Variants in SERPINE2 observed in about 807,000 individuals in gnomAD.
SERPINE2 encodes the protein serpin family E member 2, also known as glia-derived nexin.
SERPINE2 carries 14 observed loss-of-function variants against 36.3 expected under a neutral mutation model. The observed-to-expected ratio is 0.39, with a 90% confidence interval of 0.25 to 0.60. The LOEUF (loss-of-function observed/expected upper bound fraction) is 0.60. SERPINE2 is among the 20% of genes least tolerant of loss of function. The probability of loss-of-function intolerance (pLI) is 0.57; values close to 1 mark genes in which losing one functional copy is unlikely to be tolerated. For missense variants in SERPINE2, 418 were observed against 499.6 expected (o/e 0.84, Z 1.56); for synonymous variants, 192 against 191.8 (o/e 1.00, Z -0.01).
At chr2:224,000,959 C>G (rs564224921) in intron 2 of SERPINE2, among the ~76,000 whole-genome samples, 4 of 152,216 alleles carry the variant, frequency 2.6e-5, no homozygotes, top group African/African-American at 4.8e-5. Flanking sequence ...GGTTCCAAGT[C>G]TTTGCTTAGC....
intron 2 of SERPINE2, 145 bp downstream of exon 2, chr2:224,001,497 C>T (rs1691157887): frequency 8.5e-6 from 7 of 826,428 alleles, no homozygotes; most frequent in Non-Finnish European, 9.1e-6. Context: ...TTAGAAGAGA[C>T]TGACCCCAAG....
chr2:224,022,823 C>T (rs527715326), intron 1 of SERPINE2, among the ~76,000 whole-genome samples: 1 of 152,214 alleles, frequency 6.6e-6, no homozygotes, highest in Non-Finnish European at 1.5e-5. Context: ...GTGCCAAGGG[C>T]AGGACCAGGT....
intron 1 of SERPINE2, chr2:224,030,849 T>C (rs775374489): frequency 2.0e-6 from 1 of 492,862 alleles, no homozygotes; most frequent in Non-Finnish European, 2.6e-6. Flanking sequence ...CTTGGACTCT[T>C]GTGTAAATCT....
chr2:224,025,429 C>G (rs978804633), intron 1 of SERPINE2, among the ~76,000 whole-genome samples: 4 of 152,208 alleles, frequency 2.6e-5, no homozygotes, highest in Admixed American at 2.6e-4. Flanking sequence ...AATTCCCATG[C>G]ATGCTTGGAT....
rs1690263823 is a variant in SERPINE2 at position 223,982,672 on chromosome 2, T to C, written c.985+9A>G. On this transcript the variant is annotated intron_variant, in intron 6 of 8. Coordinates refer to ENST00000409304, the MANE Select transcript of SERPINE2 (RefSeq NM_001136528.2). ...TCAAGTATACAAATACATTTTAAAT[T>C]GAACATACTTGTTATTTTTGCAAAA... is the stretch of plus-strand genomic sequence containing the variant. 6.6e-7 allele frequency: 1 copy of C among 1,524,366 alleles called. No individual in the cohort carries two copies. Among genetic ancestry groups the C allele is most frequent in the Non-Finnish European group, 9.1e-7 (1 of 1,100,074 alleles). 94.4% of individuals were successfully genotyped at this position (1,524,366 alleles called of 1,614,324 possible). A position where few individuals can be genotyped will look rare whatever the true frequency, so the allele number is the denominator to read the frequency against.
At chr2:224,035,912 C>T (rs1692517591) in intron 1 of SERPINE2, among the ~76,000 whole-genome samples, 2 of 152,120 alleles carry the variant, frequency 1.3e-5, no homozygotes, top group South Asian at 4.1e-4. Context: ...CTGGTGACAG[C>T]CTGCATGTGG....
chr2:224,037,136 A>AT (rs1425793651), intron 1 of SERPINE2, among the ~76,000 whole-genome samples: 1 of 152,212 alleles, frequency 6.6e-6, no homozygotes, highest in Non-Finnish European at 1.5e-5. Flanking sequence ...TTTACCACCT[A>AT]TGAGTATCCA....
chr2:224,022,141 AGAGC>A (rs1298457282), intron 1 of SERPINE2, among the ~76,000 whole-genome samples: 1 of 137,868 alleles, frequency 7.3e-6, no homozygotes. Context: ...CCTGGGCAAC[AGAGC>A]GAGACTCCTT....
In SERPINE2 at chr2:224,032,014, C is replaced by T. The variant is rs894310569; in HGVS notation, c.-23+7085G>A. Among the ~76,000 whole-genome samples, 6 of 152,276 alleles carry T rather than the reference C, an allele frequency of 3.9e-5. No homozygotes were observed. In the East Asian group the frequency reaches 5.8e-4, roughly 15 times the overall value. On this transcript the variant is annotated intron_variant, in intron 1 of 8. Transcript: ENST00000409304. ...TGGGCAGTGTCAGCCAACAGCTCTCCGCCTTGTTTCCGAGTTATTTTGATT... is the reference window on the plus strand; with the variant it reads ...TGGGCAGTGTCAGCCAACAGCTCTCTGCCTTGTTTCCGAGTTATTTTGATT...
intron 4 of SERPINE2, among the ~76,000 whole-genome samples, chr2:223,988,014 C>T (rs1199947577): frequency 6.6e-6 from 1 of 152,142 alleles, no homozygotes; most frequent in East Asian, 1.9e-4. Flanking sequence ...CAGCAAAATG[C>T]TCCATCGTGT....
At chr2:224,015,291 A>C (rs1691763661) in intron 1 of SERPINE2, among the ~76,000 whole-genome samples, 1 of 152,094 alleles carries the variant, frequency 6.6e-6, no homozygotes, top group South Asian at 2.1e-4. Flanking sequence ...GACATCGAGG[A>C]GAGTGTGTAA....
chr2:224,025,686 C>T (rs557917697), intron 1 of SERPINE2, among the ~76,000 whole-genome samples: 1 of 152,338 alleles, frequency 6.6e-6, no homozygotes, highest in South Asian at 2.1e-4. Context: ...TTCTTCTAAG[C>T]ACAGCACCTC....
intron 1 of SERPINE2, chr2:224,031,122 T>C: frequency 2.0e-6 from 2 of 985,436 alleles, no homozygotes; most frequent in Non-Finnish European, 2.4e-6. Context: ...TGATGGGATG[T>C]AAATCTTTGA....
At chr2:224,026,689 G>A (rs1388195815) in intron 1 of SERPINE2, among the ~76,000 whole-genome samples, 10 of 152,158 alleles carry the variant, frequency 6.6e-5, no homozygotes, top group Non-Finnish European at 1.5e-4. Context: ...GTATTTCAGT[G>A]CCTTTTCGTG....
At chr2:224,030,885 G>A in intron 1 of SERPINE2, 2 of 803,572 alleles carry the variant, frequency 2.5e-6, no homozygotes, top group Non-Finnish European at 3.0e-6. Context: ...CCAAAGGTCA[G>A]TACTAATTTT....
intron 1 of SERPINE2, among the ~76,000 whole-genome samples, chr2:224,011,572 C>T (rs982007149): frequency 1.2e-3 from 175 of 152,164 alleles, no homozygotes; most frequent in African/African-American, 4.2e-3. Context: ...TATGGGCCTC[C>T]AATTCAGAGA....
chr2:224,032,853 T>C (rs1477584819), intron 1 of SERPINE2, among the ~76,000 whole-genome samples: 2 of 152,156 alleles, frequency 1.3e-5, no homozygotes, highest in African/African-American at 4.8e-5. Flanking sequence ...TCAGTGGCCA[T>C]CCTCATGCAC....
At chr2:224,009,643 C>T (rs1209704942) in intron 1 of SERPINE2, among the ~76,000 whole-genome samples, 1 of 151,714 alleles carries the variant, frequency 6.6e-6, no homozygotes, top group Admixed American at 6.6e-5. Context: ...TGCAGTGAGC[C>T]GAGATTGTGC....
chr2:224,006,830 A>G (rs1691442756), intron 1 of SERPINE2, among the ~76,000 whole-genome samples: 2 of 152,206 alleles, frequency 1.3e-5, no homozygotes. Context: ...TTCTAGTACT[A>G]CTGGACCCTC....
Sources: gnomAD v4.1 joint callset for allele counts (sites outside exome capture counted in the v4.1 genomes callset) on GRCh38, gnomAD v4.1.1 for gene constraint, MANE v1.5 for transcripts, NCBI Gene and HGNC (gene_info 2026-07-23, HGNC 2026-07-21) for gene names.